WBP2NL: variants seen among roughly 807,000 people sequenced by gnomAD.
The protein encoded by WBP2NL is postacrosomal sheath WW domain-binding protein.
In WBP2NL, 27 loss-of-function variants were observed where a neutral mutation model predicts 23.3. The ratio of observed to expected loss-of-function variants is 1.16; its 90% confidence interval spans 0.85 to 1.60. WBP2NL has a LOEUF of 1.60. WBP2NL is among the 40% of genes most tolerant of loss of function. WBP2NL has a pLI of 0.00. For synonymous variants in WBP2NL, 151 were observed against 145.9 expected (o/e 1.03, Z -0.25); for missense variants, 370 against 389.5 (o/e 0.95, Z 0.42).
intron 1 of WBP2NL, chr22:42,003,269 G>A (rs1921885170): frequency 6.6e-6 from 1 of 152,486 alleles, no homozygotes; most frequent in Non-Finnish European, 1.5e-5. Context: ...GTAAAACATT[G>A]TGAAATCAGA....
chr22:42,033,779 CCAA>C (rs1235627760), downstream of WBP2NL, among the ~76,000 whole-genome samples: 1 of 152,170 alleles, frequency 6.6e-6, no homozygotes, highest in African/African-American at 2.4e-5. Context: ...GCTGGTCGTC[CCAA>C]CATCTGCTTA....
At chr22:42,001,428 C>G in intron 1 of WBP2NL, 1 of 821,100 alleles carries the variant, frequency 1.2e-6, no homozygotes, top group Non-Finnish European at 2.1e-6. Context: ...ATACCCTGCA[C>G]AGACACGTTA....
downstream of WBP2NL, chr22:42,030,958 T>G (rs1175510156): frequency 6.6e-6 from 1 of 152,244 alleles, no homozygotes; most frequent in African/African-American, 2.4e-5. Context: ...GCTCTTCATG[T>G]TAGTTATACT....
At chr22:42,049,938 T>G (rs947853850) in intron 8 of WBP2NL, among the ~76,000 whole-genome samples, 1 of 123,740 alleles carries the variant, frequency 8.1e-6, no homozygotes. Context: ...GATTGTGCCA[T>G]AGCACTCCGG....
At chr22:42,046,340 T>G (rs1161859272) in intron 8 of WBP2NL, among the ~76,000 whole-genome samples, 4 of 152,214 alleles carry the variant, frequency 2.6e-5, no homozygotes, top group African/African-American at 9.6e-5. Context: ...AGTTGAGTAT[T>G]CCACAGAAAG....
chr22:42,057,550 ACT>A (rs1491297486), intron 8 of WBP2NL, among the ~76,000 whole-genome samples: 1 of 119,148 alleles, frequency 8.4e-6, no homozygotes, highest in Non-Finnish European at 1.9e-5. Flanking sequence ...CTAGAATTCA[ACT>A]TTTTTTTTTT....
At chr22:42,057,045 C>A (rs1254849948) in intron 8 of WBP2NL, among the ~76,000 whole-genome samples, 1 of 152,066 alleles carries the variant, frequency 6.6e-6, no homozygotes, top group East Asian at 1.9e-4. Context: ...TTGAGTTTAA[C>A]CTACTTGGAG....
chr22:42,011,282 TCTGTCACC>T (rs1462543128), intron 1 of WBP2NL, among the ~76,000 whole-genome samples: 1 of 152,162 alleles, frequency 6.6e-6, no homozygotes, highest in Non-Finnish European at 1.5e-5. Flanking sequence ...AGGTTCTCAC[TCTGTCACC>T]CTGTCTGGAG....
intron 1 of WBP2NL, among the ~76,000 whole-genome samples, chr22:42,008,121 G>GCTTTC (rs1185527318): frequency 0.16 from 8,479 of 53,562 alleles, 674 homozygotes; most frequent in Middle Eastern, 0.21. Context: ...CCTTTCCTTT[G>GCTTTC]CTTTCCTTTC....
rs1378477567 is a variant in WBP2NL, at chr22:42,019,671, A to G, written c.181A>G (p.Ile61Val). ...TTCTGTCCTTGCGTAGGTGATTTTC[A>G]TAACTTCATGCTCCATCAGTGATCC... Reference protein sequence around the residue: ...LFLTSYRVIFITSCSISDPML... With the variant: ...LFLTSYRVIFVTSCSISDPML... The change falls in exon 3 of 6, where the codon ATA becomes GTA. Residue 61 changes from isoleucine to valine, a missense_variant. Ile to Val is a conservative substitution (Grantham distance 29, BLOSUM62 3). Coordinates refer to ENST00000328823, the MANE Select transcript of WBP2NL (RefSeq NM_152613.3). 4 of 1,614,082 alleles carry G rather than the reference A, an allele frequency of 2.5e-6. No homozygotes were observed. The highest frequency in any genetic ancestry group is 3.3e-4 in the Middle Eastern group (2 of 6,062).
Position 42,027,782 on chromosome 22 carries a change from G to A in WBP2NL, c.*601G>A, listed in dbSNP as rs552573418. 7.4e-5 allele frequency: 29 copies of A among 393,396 alleles called. No homozygotes were observed. The highest frequency in any genetic ancestry group is 6.0e-4 in the African/African-American group (29 of 48,632). 24.4% of individuals were successfully genotyped at this position (393,396 alleles called of 1,614,324 possible). A position where few individuals can be genotyped will look rare whatever the true frequency, so the allele number is the denominator to read the frequency against. Reference sequence around the variant, plus strand: ...TCTCTATGACAGAAGTTAAAAGATAGGCAACAGAATAGGAAAAAGTGATTT... The same window carrying A: ...TCTCTATGACAGAAGTTAAAAGATAAGCAACAGAATAGGAAAAAGTGATTT... On this transcript the variant is annotated 3_prime_UTR_variant, in exon 6 of 6. Coordinates refer to ENST00000328823, the MANE Select transcript of WBP2NL (RefSeq NM_152613.3).
intron 1 of WBP2NL, among the ~76,000 whole-genome samples, chr22:42,010,109 A>AT (rs758313228): frequency 2.6e-5 from 4 of 152,136 alleles, no homozygotes; most frequent in Non-Finnish European, 5.9e-5. Context: ...TGGATCATTC[A>AT]TAATTAGTGT....
intron 8 of WBP2NL, among the ~76,000 whole-genome samples, chr22:42,058,018 G>A (rs1285255812): frequency 5.7e-5 from 8 of 139,188 alleles, no homozygotes; most frequent in Non-Finnish European, 1.2e-4. Flanking sequence ...CCAGGATCAC[G>A]CTGTTCTCCT....
intron 8 of WBP2NL, among the ~76,000 whole-genome samples, chr22:42,039,813 TTTATTTCTGCTCTAATTTTTC>T (rs1431868699): frequency 6.6e-6 from 1 of 152,064 alleles, no homozygotes; most frequent in African/African-American, 2.4e-5. Context: ...CTCTATTTTG[TTTATTTCTGCTCTAATTTTTC>T]TTATTTCTGT....
intron 1 of WBP2NL, among the ~76,000 whole-genome samples, chr22:42,015,379 C>T (rs1343697642): frequency 6.6e-6 from 1 of 151,990 alleles, no homozygotes; most frequent in East Asian, 1.9e-4. Flanking sequence ...TACAACTCTG[C>T]CTTCACCTTC....
intron 8 of WBP2NL, among the ~76,000 whole-genome samples, chr22:42,053,450 C>CTCTTTT (rs200993535): frequency 3.3e-5 from 5 of 151,242 alleles, no homozygotes; most frequent in South Asian, 2.1e-4. Flanking sequence ...TTTTTTTTTC[C>CTCTTTT]TCTTTTTCTT....
intron 1 of WBP2NL, 66 bp from the exon 2 acceptor site, chr22:42,019,245 G>T: frequency 2.8e-6 from 4 of 1,430,082 alleles, no homozygotes; most frequent in Non-Finnish European, 3.9e-6. Flanking sequence ...ATTGCGTTAA[G>T]AACTTTATGT....
chr22:42,049,570 G>T (rs544642529), intron 8 of WBP2NL, among the ~76,000 whole-genome samples: 27 of 151,810 alleles, frequency 1.8e-4, no homozygotes, highest in Non-Finnish European at 3.4e-4. Flanking sequence ...GGCACCTGTA[G>T]TCCTAGCTAC....
At position 42,018,451 on chromosome 22, in the gene WBP2NL, AGGAG is replaced by A. The variant is rs199754232; in HGVS notation, c.63-851_63-848del. 7.2e-4 allele frequency among the ~76,000 whole-genome samples: 109 copies of A among 151,370 alleles called. No homozygotes were observed. The East Asian group carries it at 0.019, about 27-fold the overall frequency. ...GGAAAGGAAAGAAAGAAGTGAGGGA[AGGAG>A]GGAGGGAGAAAGAGAAAGAAGAAAT... On this transcript the variant is annotated intron_variant, in intron 1 of 5. Coordinates refer to ENST00000328823, the MANE Select transcript of WBP2NL (RefSeq NM_152613.3).
Sources: gnomAD v4.1 joint callset for allele counts (sites outside exome capture counted in the v4.1 genomes callset) on GRCh38, gnomAD v4.1.1 for gene constraint, MANE v1.5 for transcripts, NCBI Gene and HGNC (gene_info 2026-07-23, HGNC 2026-07-21) for gene names.